The following SMPD4 variants were observed in gnomAD, a reference collection of about 807,000 sequenced individuals.
SMPD4 encodes neutral sphingomyelinase 3.
Under a neutral mutation model 97.8 loss-of-function variants are expected in SMPD4, and 58 were observed. The ratio of observed to expected loss-of-function variants is 0.59; its 90% CI spans 0.48 to 0.74. The LOEUF is 0.74. Ranked by LOEUF, SMPD4 falls within the 30% of genes least tolerant of loss-of-function variation. SMPD4 has a pLI of 0.00. For synonymous variants in SMPD4, 388 were observed against 450.0 expected (o/e 0.86, Z 1.74); for missense variants, 853 against 1,080.5 (o/e 0.79, Z 2.95).
intron 1 of SMPD4, among the ~76,000 whole-genome samples, chr2:130,180,518 G>A (rs534172937): frequency 6.6e-6 from 1 of 152,058 alleles, no homozygotes; most frequent in South Asian, 2.1e-4. Context: ...TGATCCACCC[G>A]CCTGGGCCTC....
chr2:130,181,296 C>G, intron 1 of SMPD4: 1 of 1,402,342 alleles, frequency 7.1e-7, no homozygotes, highest in South Asian at 1.6e-5. Context: ...GAACACCTAC[C>G]GGACCGGGAC....
chr2:130,164,131 G>C (rs548634162), intron 10 of SMPD4, among the ~76,000 whole-genome samples: 3 of 152,300 alleles, frequency 2.0e-5, no homozygotes, highest in Admixed American at 1.3e-4. Flanking sequence ...TGCACAGGGA[G>C]GGCCCCGGAG....
chr2:130,153,880 G>A lies in SMPD4; in HGVS notation c.1715C>T (p.Ser572Phe), dbSNP rs539657135. ...AGCCGGGCTCTCCGCACACTGGTCG[G>A]AGATGGACTTGGCTGTGTGTTTGGC... Reference protein sequence around the residue: ...TQAKHTAKSISDQCAESPAGH... With the variant: ...TQAKHTAKSIFDQCAESPAGH... The change falls in exon 17 of 20, where the codon TCC becomes TTC. Residue 572 changes from serine (S) to phenylalanine (F), a missense_variant. Physicochemically the swap from Ser to Phe is radical, Grantham distance 155 (BLOSUM62 -2). Coordinates refer to ENST00000680298, the MANE Select transcript of SMPD4 (RefSeq NM_017951.5). 1.3e-5 allele frequency: 21 copies of A among 1,613,882 alleles called. No homozygotes were observed. In the East Asian group the frequency reaches 4.2e-4, roughly 33 times the overall value.
chr2:130,177,103 C>G (rs1173727207), intron 1 of SMPD4, among the ~76,000 whole-genome samples: 1 of 152,208 alleles, frequency 6.6e-6, no homozygotes, highest in Admixed American at 6.5e-5. Context: ...TGATTAGAGA[C>G]AGGCTCTTGC....
intron 11 of SMPD4, among the ~76,000 whole-genome samples, chr2:130,159,825 T>C (rs1687214353): frequency 1.3e-5 from 2 of 152,028 alleles, no homozygotes; most frequent in African/African-American, 4.8e-5. Flanking sequence ...TTCCTGCAGC[T>C]AAGGGGAGGG....
At position 130,157,266 on chromosome 2, in the gene SMPD4, A is replaced by G; in HGVS notation, c.1082T>C (p.Leu361Pro). The change falls in exon 12 of 20, where the codon CTG becomes CCG. Residue 361 changes from leucine (L) to proline (P), a missense_variant. Transcript: ENST00000680298. ...GGCCACCCACCGTTTGAACTCCTCC[A>G]GGGGGCTGGTGGCGTGGGAGTGGGC... ...PSAHSHATSP[L>P]EEFKRAAVPR... 1 of 1,549,054 alleles carries G rather than the reference A, an allele frequency of 6.5e-7. No individual in the cohort carries two copies. Among genetic ancestry groups the G allele is most frequent in the Non-Finnish European group, 8.7e-7 (1 of 1,145,676 alleles).
chr2:130,164,000 G>A (rs1476533250), intron 10 of SMPD4, among the ~76,000 whole-genome samples: 7 of 152,188 alleles, frequency 4.6e-5, no homozygotes, highest in Admixed American at 2.6e-4. Flanking sequence ...CAAAGGCACT[G>A]CTGATGGTCG....
At chr2:130,171,340 C>T (rs1163723122) in intron 8 of SMPD4, among the ~76,000 whole-genome samples, 3 of 151,914 alleles carry the variant, frequency 2.0e-5, no homozygotes, top group Non-Finnish European at 4.4e-5. Context: ...TGACCTCAGG[C>T]GATCCCTCCA....
rs1323420775 is a variant in SMPD4 at position 130,167,459 on chromosome 2, T to G, written c.791A>C (p.Gln264Pro). The stretch of plus-strand genomic sequence containing the variant: ...TCTTTTGACCAGCTCAACTCTCACC[T>G]GGAGCAGAGTTTCTGACCTCCAGAT... The part of the protein sequence containing the change: ...HEIWRSETLL[Q>P]VFVEMWLHHY... Residue 264 changes from glutamine to proline, a missense_variant and splice_region_variant, in exon 9 of 20, where the codon CAG (glutamine) becomes CCG (proline). By Grantham distance (76) the Gln-to-Pro change is moderately conservative. This residue lies in a region of SMPD4 where 313 missense variants were observed against 402.2 expected (regional missense o/e 0.78). Transcript: ENST00000680298. 2 of 1,613,162 alleles carry G rather than the reference T, an allele frequency of 1.2e-6. No homozygotes were observed. The highest frequency in any genetic ancestry group is 2.7e-5 in the African/African-American group (2 of 74,882).
At chr2:130,172,742 C>T in intron 6 of SMPD4, 45 bp downstream of exon 6, 1 of 1,614,188 alleles carries the variant, frequency 6.2e-7, no homozygotes, top group South Asian at 1.1e-5. Context: ...GTGTCAAGTG[C>T]TGGGCCACCC....
In SMPD4 at chr2:130,154,407, G is replaced by A; in HGVS notation, c.1529C>T (p.Thr510Ile). The A allele has an allele frequency of 6.3e-7, 1 of 1,599,654 alleles. No individual in the cohort carries two copies. The highest frequency in any genetic ancestry group is 8.5e-7 in the Non-Finnish European group (1 of 1,172,696). The change falls in exon 16 of 20, where the codon ACT (threonine) becomes ATT (isoleucine). Residue 510 changes from threonine to isoleucine, a missense_variant. This residue lies in a region of SMPD4 where 511 missense variants were observed against 608.1 expected (regional missense o/e 0.84). Transcript: ENST00000680298. ...TGGCCAGGGTGACAGGAAGCTCCCA[G>A]TGAATGTGGGGGCCGTGAAGAGTCG... Reference protein sequence around the residue: ...QHRLFTAPTFTGSFLSPWPPA... With the variant: ...QHRLFTAPTFIGSFLSPWPPA...
At chr2:130,176,523 A>G (rs1688992178) in intron 2 of SMPD4, 31 bp downstream of exon 2, 1 of 1,574,612 alleles carries the variant, frequency 6.4e-7, no homozygotes, top group Non-Finnish European at 8.7e-7. Context: ...CTATGGCCAC[A>G]CTGACACTCA....
intron 8 of SMPD4, among the ~76,000 whole-genome samples, chr2:130,170,414 C>T (rs1688334452): frequency 7.1e-6 from 1 of 141,162 alleles, no homozygotes; most frequent in South Asian, 2.2e-4. Flanking sequence ...GAAGCAGAGA[C>T]AGCGCCACTG....
intron 3 of SMPD4, among the ~76,000 whole-genome samples, chr2:130,174,397 T>G (rs1297819300): frequency 1.3e-5 from 2 of 152,190 alleles, no homozygotes; most frequent in South Asian, 4.1e-4. Context: ...CTTTCCAGAG[T>G]GAAGCCCCTG....
At chr2:130,164,329 A>G in intron 10 of SMPD4, 45 bp downstream of exon 10, 1 of 1,528,408 alleles carries the variant, frequency 6.5e-7, no homozygotes, top group Non-Finnish European at 9.1e-7. Context: ...CAGCAGGCTG[A>G]GCAGGGTCAG....
chr2:130,154,052 AAG>A (rs1686506222), intron 16 of SMPD4, 117 bp from the exon 17 acceptor site: 1 of 1,112,412 alleles, frequency 9.0e-7, no homozygotes, highest in African/African-American at 1.6e-5. Context: ...CTTCTGCCAG[AAG>A]ACTTTTAAAG....
At chr2:130,161,312 A>G in intron 10 of SMPD4, 40 bp from the exon 11 acceptor site, 1 of 1,584,620 alleles carries the variant, frequency 6.3e-7, no homozygotes. Context: ...GAGGCCGAAG[A>G]GCAGAGGACA....
intron 10 of SMPD4, among the ~76,000 whole-genome samples, chr2:130,164,086 TCTGTTC>T (rs1360161712): frequency 6.6e-6 from 1 of 152,158 alleles, no homozygotes; most frequent in African/African-American, 2.4e-5. Context: ...CACAACCTCA[TCTGTTC>T]CTGCTGCCAG....
At chr2:130,153,512 C>T (rs1686441952) in intron 17 of SMPD4, 62 bp from the exon 18 acceptor site, 1 of 1,601,984 alleles carries the variant, frequency 6.2e-7, no homozygotes. Flanking sequence ...CAGTCTTCAC[C>T]CCACCAGCCT....
Sources: gnomAD v4.1 joint callset for allele counts (sites outside exome capture counted in the v4.1 genomes callset) on GRCh38, gnomAD v4.1.1 for gene constraint, gnomAD v4.1.1 regional missense constraint, MANE v1.5 for transcripts, NCBI Gene and HGNC (gene_info 2026-07-23, HGNC 2026-07-21) for gene names.